Variants in EPHA3 observed in about 807,000 individuals in gnomAD.
EPHA3 encodes ephrin type-A receptor 3.
Under a neutral mutation model 107.1 loss-of-function variants are expected in EPHA3, and 42 were observed. The observed-to-expected ratio is 0.39, with a 90% CI of 0.31 to 0.51. EPHA3 has a LOEUF of 0.51. EPHA3 is among the 20% of genes least tolerant of loss of function. The pLI is 0.78. For synonymous variants in EPHA3, 461 were observed against 424.8 expected (o/e 1.09, Z -1.05); for missense variants, 1,183 against 1,211.2 (o/e 0.98, Z 0.35).
intron 2 of EPHA3, among the ~76,000 whole-genome samples, chr3:89,142,453 G>A (rs774605788): frequency 4.0e-5 from 6 of 151,220 alleles, no homozygotes; most frequent in Admixed American, 6.6e-5. Context: ...TAACTTTTGT[G>A]GCCATAGGCC....
chr3:89,400,377 T>G (rs1014071171), intron 7 of EPHA3: 9 of 153,528 alleles, frequency 5.9e-5, no homozygotes, highest in African/African-American at 2.2e-4. Context: ...TAATTTTTTG[T>G]ATTTTTGGTA....
intron 16 of EPHA3, among the ~76,000 whole-genome samples, chr3:89,473,504 T>C (rs544435586): frequency 1.3e-3 from 197 of 152,332 alleles, no homozygotes; most frequent in Non-Finnish European, 2.2e-3. Context: ...CTCACTGTGA[T>C]TGAGAACCAA....
intron 3 of EPHA3, among the ~76,000 whole-genome samples, chr3:89,278,247 A>G (rs965043769): frequency 6.6e-6 from 1 of 152,154 alleles, no homozygotes; most frequent in Non-Finnish European, 1.5e-5. Flanking sequence ...CAGACAGGGT[A>G]TCATGTTTGC....
intron 3 of EPHA3, among the ~76,000 whole-genome samples, chr3:89,300,950 T>C (rs1706472911): frequency 6.6e-6 from 1 of 152,130 alleles, no homozygotes; most frequent in Non-Finnish European, 1.5e-5. Flanking sequence ...AGGTAGCTGA[T>C]GTTTCCATGA....
intron 10 of EPHA3, among the ~76,000 whole-genome samples, chr3:89,416,361 T>C (rs1709247128): frequency 6.6e-6 from 1 of 151,438 alleles, no homozygotes; most frequent in Non-Finnish European, 1.5e-5. Context: ...GCAAAGTTAA[T>C]TGAATAAGAC....
intron 3 of EPHA3, among the ~76,000 whole-genome samples, chr3:89,327,741 TG>T (rs1324605917): frequency 6.6e-6 from 1 of 152,138 alleles, no homozygotes; most frequent in Non-Finnish European, 1.5e-5. Flanking sequence ...GCTTTTTTTT[TG>T]TTTGTTTGTT....
intron 3 of EPHA3, among the ~76,000 whole-genome samples, chr3:89,316,783 C>A (rs989363614): frequency 6.6e-6 from 1 of 151,172 alleles, no homozygotes; most frequent in East Asian, 2.0e-4. Flanking sequence ...AAGATTTGCA[C>A]GGAAGTATCA....
intron 3 of EPHA3, among the ~76,000 whole-genome samples, chr3:89,241,875 A>T (rs1215055991): frequency 1.3e-5 from 2 of 152,192 alleles, no homozygotes; most frequent in African/African-American, 4.8e-5. Flanking sequence ...TTCCAATGAT[A>T]GTTTAACTTT....
chr3:89,111,280 A>T (rs1394764462), intron 1 of EPHA3, among the ~76,000 whole-genome samples: 1 of 152,120 alleles, frequency 6.6e-6, no homozygotes, highest in East Asian at 1.9e-4. Context: ...TAAAAATTAC[A>T]ATAAATTGGC....
chr3:89,442,137 A>T (rs945864153), intron 13 of EPHA3, among the ~76,000 whole-genome samples: 4 of 152,170 alleles, frequency 2.6e-5, no homozygotes, highest in Non-Finnish European at 5.9e-5. Flanking sequence ...AAGTTATCCT[A>T]AAAAAGAAAA....
intron 3 of EPHA3, among the ~76,000 whole-genome samples, chr3:89,222,345 ATATATATATGTATATG>A (rs1208462717): frequency 1.4e-5 from 2 of 146,948 alleles, no homozygotes; most frequent in Non-Finnish European, 3.0e-5. Context: ...ATATATATAT[ATATATATATGTATATG>A]TATATGTATA....
intron 3 of EPHA3, among the ~76,000 whole-genome samples, chr3:89,292,626 C>G (rs1169478365): frequency 1.3e-5 from 2 of 152,166 alleles, no homozygotes; most frequent in Non-Finnish European, 2.9e-5. Flanking sequence ...AAATTCTTAA[C>G]TCTATTTGAT....
intron 16 of EPHA3, among the ~76,000 whole-genome samples, chr3:89,478,366 C>T (rs1463670185): frequency 2.0e-5 from 3 of 152,170 alleles, no homozygotes; most frequent in Admixed American, 1.3e-4. Flanking sequence ...TATTATACAT[C>T]ATAGTGTTGT....
At chr3:89,387,590 T>C (rs13075844) in intron 5 of EPHA3, among the ~76,000 whole-genome samples, 1 of 152,138 alleles carries the variant, frequency 6.6e-6, no homozygotes, top group African/African-American at 2.4e-5. Flanking sequence ...TATTTAGAAA[T>C]CTATGATTAT....
chr3:89,291,272 T>G (rs1210872305), intron 3 of EPHA3, among the ~76,000 whole-genome samples: 1 of 152,176 alleles, frequency 6.6e-6, no homozygotes, highest in Non-Finnish European at 1.5e-5. Flanking sequence ...ATTTTATGAG[T>G]CAGATTATAT....
chr3:89,184,547 A>C (rs1229360903), intron 2 of EPHA3, among the ~76,000 whole-genome samples: 1 of 152,090 alleles, frequency 6.6e-6, no homozygotes, highest in Non-Finnish European at 1.5e-5. Context: ...CTTTTAAAAT[A>C]AGCAAACACT....
At chr3:89,371,261 A>G (rs1434167270) in intron 5 of EPHA3, among the ~76,000 whole-genome samples, 1 of 151,748 alleles carries the variant, frequency 6.6e-6, no homozygotes, top group Admixed American at 6.6e-5. Flanking sequence ...TACAGTTACC[A>G]TAAAATTCTA....
intron 3 of EPHA3, among the ~76,000 whole-genome samples, chr3:89,223,708 A>G (rs191217396): frequency 4.6e-5 from 7 of 152,208 alleles, no homozygotes; most frequent in African/African-American, 1.7e-4. Flanking sequence ...ATACATTTGG[A>G]TTTTGTTTGT....
In EPHA3 at chr3:89,450,317, C is replaced by T. The variant is rs1205126063; in HGVS notation, c.2637C>T (p.Asp879=). Residue 879 remains aspartate (D), a synonymous_variant, in exon 15 of 17, where the codon GAC becomes GAT. Coordinates refer to ENST00000336596, the MANE Select transcript of EPHA3 (RefSeq NM_005233.6). ...TTGAGCAGATTGTTAGTATTCTGGA[C>T]AAGCTTATCCGGAATCCCGGCAGCC... The part of the protein sequence containing the change: ...PKFEQIVSIL[D]KLIRNPGSLK... 1.9e-6 allele frequency: 3 copies of T among 1,613,858 alleles called. No individual in the cohort carries two copies. In the South Asian group the frequency reaches 3.3e-5, roughly 18 times the overall value.
Sources: allele counts gnomAD v4.1 joint callset (sites outside exome capture counted in the v4.1 genomes callset), GRCh38; gene constraint gnomAD v4.1.1; transcripts MANE v1.5; gene names NCBI Gene and HGNC (gene_info 2026-07-23, HGNC 2026-07-21).